ZNF451: variants seen among roughly 807,000 people sequenced by gnomAD.
ZNF451 encodes the protein zinc finger protein 451, also known as E3 SUMO-protein ligase ZNF451.
A neutral mutation model predicts 107.1 loss-of-function variants in ZNF451; 80 were observed. The ratio of observed to expected loss-of-function variants is 0.75; its 90% confidence interval spans 0.62 to 0.90. The LOEUF (loss-of-function observed/expected upper bound fraction) is 0.90. Ranked by LOEUF, ZNF451 falls within the 40% of genes least tolerant of loss-of-function variation. The probability of loss-of-function intolerance (pLI) is 0.00; values close to 1 mark genes in which losing one functional copy is unlikely to be tolerated. For synonymous variants in ZNF451, 362 were observed against 406.5 expected, an observed-to-expected ratio of 0.89 and a Z score of 1.32; for missense variants, 1,107 against 1,236.2, an observed-to-expected ratio of 0.90 and a Z score of 1.57.
chr6:57,123,775 G>A (rs1256601841), intron 3 of ZNF451, among the ~76,000 whole-genome samples: 1 of 152,056 alleles, frequency 6.6e-6, no homozygotes, highest in Non-Finnish European at 1.5e-5. Flanking sequence ...TCATCTGGAG[G>A]GAGTACTAAT....
chr6:57,129,900 A>T (rs536826962), intron 5 of ZNF451, among the ~76,000 whole-genome samples: 1 of 152,110 alleles, frequency 6.6e-6, no homozygotes, highest in Admixed American at 6.6e-5. Context: ...TGGTTATTGT[A>T]TATCATGTCC....
rs546208840 is a variant in ZNF451, at chr6:57,130,953, G to C, written c.425-2089G>C. 2.6e-3 allele frequency among the ~76,000 whole-genome samples: 394 copies of C among 152,214 alleles called. 5 individuals carry two copies. The highest frequency in any genetic ancestry group is 8.9e-3 in the African/African-American group (369 of 41,570). ...TTTGGAATCTATTGCTTGAACAGCT[G>C]TGTAGTATTGGGCTATATTTGGTAT... On this transcript the variant is annotated intron_variant, in intron 5 of 14. Transcript: ENST00000370706.
At chr6:57,166,979 A>G (rs145241721) in intron 14 of ZNF451, among the ~76,000 whole-genome samples, 1 of 152,316 alleles carries the variant, frequency 6.6e-6, no homozygotes, top group East Asian at 1.9e-4. Flanking sequence ...TGGCAAGTTT[A>G]ATCCCTATAA....
At chr6:57,102,965 GTC>G (rs1452840296) in intron 3 of ZNF451, 5 of 985,282 alleles carry the variant, frequency 5.1e-6, no homozygotes, top group South Asian at 4.7e-5. Flanking sequence ...AGTCATGGTA[GTC>G]TCTCACTGTA....
intron 9 of ZNF451, among the ~76,000 whole-genome samples, chr6:57,144,533 G>A (rs1048791979): frequency 2.0e-5 from 3 of 151,978 alleles, no homozygotes; most frequent in Non-Finnish European, 4.4e-5. Context: ...GTGCCACCGC[G>A]CCTAGCCGTG....
intron 14 of ZNF451, among the ~76,000 whole-genome samples, chr6:57,164,125 G>A (rs964652773): frequency 6.6e-6 from 1 of 152,104 alleles, no homozygotes; most frequent in Non-Finnish European, 1.5e-5. Flanking sequence ...CTCTGACCAC[G>A]CAGGCCAGTC....
intron 12 of ZNF451, 86 bp from the exon 13 acceptor site, chr6:57,153,775 G>A: frequency 3.7e-6 from 5 of 1,341,182 alleles, no homozygotes; most frequent in Non-Finnish European, 4.2e-6. Flanking sequence ...TACCTTCCTA[G>A]GCATGTGTTC....
In ZNF451 at chr6:57,148,414, A is replaced by G. The variant is rs752837583; in HGVS notation, c.2329A>G (p.Lys777Glu). The change falls in exon 10 of 15, where the codon AAA becomes GAA. Residue 777 changes from lysine (K) to glutamate (E), a missense_variant. Physicochemically the swap from Lys to Glu is moderately conservative, Grantham distance 56 (BLOSUM62 1). Transcript: ENST00000370706. The stretch of plus-strand genomic sequence containing the variant: ...GAACACTCATATCCATCAAGTGCAC[A>G]AAGAAAAGAGTGATGAGGAGGAGCA... ...DMNTHIHQVHKEKSDEEEQQY... is the reference protein window; with the variant it reads ...DMNTHIHQVHEEKSDEEEQQY... 6.2e-7 allele frequency: 1 copy of G among 1,613,928 alleles called. No homozygotes were observed. The highest frequency in any genetic ancestry group is 8.5e-7 in the Non-Finnish European group (1 of 1,179,894).
chr6:57,158,760 A>T (rs1763540722), intron 13 of ZNF451: 1 of 985,336 alleles, frequency 1.0e-6, no homozygotes, highest in African/African-American at 1.7e-5. Context: ...ACTACAAGAT[A>T]ATTTTTGTTG....
At chr6:57,165,330 C>T (rs1763848656) in intron 14 of ZNF451, 1 of 152,118 alleles carries the variant, frequency 6.6e-6, no homozygotes, top group Non-Finnish European at 1.5e-5. Context: ...ATTGCACTTC[C>T]CCTCTTGAGA....
intron 7 of ZNF451, among the ~76,000 whole-genome samples, chr6:57,140,661 C>T (rs1831708574): frequency 1.3e-5 from 2 of 151,444 alleles, no homozygotes; most frequent in South Asian, 4.2e-4. Context: ...AAAAAAAAAC[C>T]CAAAACTTAA....
rs1562627210 is a variant in ZNF451, at chr6:57,154,177, T to G, written c.3070+130T>G. 3.7e-6 allele frequency: 3 copies of G among 805,106 alleles called. No homozygotes were observed. The African/African-American group carries it at 5.2e-5, about 14-fold the overall frequency. 49.9% of individuals were successfully genotyped at this position (805,106 alleles called of 1,614,324 possible). A position where few individuals can be genotyped will look rare whatever the true frequency, so the allele number is the denominator to read the frequency against. On this transcript the variant is annotated intron_variant, in intron 13 of 14. Coordinates refer to ENST00000370706, the MANE Select transcript of ZNF451 (RefSeq NM_001031623.3). ...AAACCATCATGTTCTCTTACTTCTATCTTACTTATCTTTTTTAAAAAAATC... is the reference window on the plus strand; with the variant it reads ...AAACCATCATGTTCTCTTACTTCTAGCTTACTTATCTTTTTTAAAAAAATC...
At position 57,150,785 on chromosome 6, in the gene ZNF451, A is replaced by G; in HGVS notation, c.2675A>G (p.Asp892Gly). 1.2e-6 allele frequency: 2 copies of G among 1,614,020 alleles called. No homozygotes were observed. Among genetic ancestry groups the G allele is most frequent in the South Asian group, 2.2e-5 (2 of 91,074 alleles). The change falls in exon 11 of 15, where the codon GAT becomes GGT. Residue 892 changes from aspartate (D) to glycine (G), a missense_variant. Coordinates refer to ENST00000370706, the MANE Select transcript of ZNF451 (RefSeq NM_001031623.3). The stretch of plus-strand genomic sequence containing the variant: ...ACCATGACTCATATAGTCTTTGTAG[A>G]TTTTGATAACTGGTCAAACTTTTTT... ...LRTMTHIVFV[D>G]FDNWSNFFGH...
chr6:57,103,625 A>G (rs770080307), intron 3 of ZNF451: 4 of 985,336 alleles, frequency 4.1e-6, no homozygotes, highest in Non-Finnish European at 4.8e-6. Context: ...ACCTAGTATT[A>G]TTTGCTTGGC....
intron 3 of ZNF451, chr6:57,104,688 G>A (rs1829765000): frequency 1.0e-6 from 1 of 985,172 alleles, no homozygotes; most frequent in Non-Finnish European, 1.2e-6. Flanking sequence ...TATTTGCATT[G>A]TTGCGCAGCT....
chr6:57,102,086 A>G (rs1829627306), intron 3 of ZNF451: 2 of 1,506,966 alleles, frequency 1.3e-6, no homozygotes, highest in Non-Finnish European at 8.8e-7. Context: ...CGCCATGGGT[A>G]CAAGAATTAA....
intron 11 of ZNF451, chr6:57,151,722 G>A (rs1460143374): frequency 6.6e-6 from 1 of 152,502 alleles, no homozygotes; most frequent in Non-Finnish European, 1.5e-5. Context: ...AAACTTGGGG[G>A]AGAGGCTTCT....
At chr6:57,109,112 T>C (rs1829998860) in intron 3 of ZNF451, 1 of 985,456 alleles carries the variant, frequency 1.0e-6, no homozygotes, top group Non-Finnish European at 1.2e-6. Context: ...ATTATTTCAC[T>C]TGTCACATCA....
intron 3 of ZNF451, chr6:57,108,502 AAC>A (rs1829971858): frequency 3.0e-6 from 3 of 985,358 alleles, no homozygotes; most frequent in Non-Finnish European, 3.6e-6. Flanking sequence ...CAAGTCACTA[AAC>A]ACAGTTTTCA....
Sources: allele counts gnomAD v4.1 joint callset (sites outside exome capture counted in the v4.1 genomes callset), GRCh38; gene constraint gnomAD v4.1.1; transcripts MANE v1.5; gene names NCBI Gene and HGNC (gene_info 2026-07-23, HGNC 2026-07-21).